PTPRD: variants seen among roughly 807,000 people sequenced by gnomAD.
PTPRD encodes the protein protein tyrosine phosphatase receptor type D.
A neutral mutation model predicts 214.5 loss-of-function variants in PTPRD; 34 were observed. The observed-to-expected ratio is 0.16, with a 90% confidence interval of 0.12 to 0.21. PTPRD has a LOEUF of 0.21. Among genes scored for constraint, PTPRD ranks in the 10% least tolerant of loss-of-function variants. PTPRD has a pLI of 1.00. For missense variants in PTPRD, 2,545 were observed against 2,398.7 expected (o/e 1.06, Z -1.27); for synonymous variants, 1,128 against 845.7 (o/e 1.33, Z -5.79).
chr9:9,616,943 T>C (rs1409294368), intron 7 of PTPRD, among the ~76,000 whole-genome samples: 2 of 152,166 alleles, frequency 1.3e-5, no homozygotes, highest in Non-Finnish European at 2.9e-5. Flanking sequence ...TATGGTCAAT[T>C]TTAAAATAAA....
At chr9:10,282,321 T>C (rs2095159226) in intron 3 of PTPRD, among the ~76,000 whole-genome samples, 1 of 152,204 alleles carries the variant, frequency 6.6e-6, no homozygotes, top group Admixed American at 6.5e-5. Context: ...GAATGAATGT[T>C]AATTGTTCAA....
chr9:10,008,064 G>C (rs2096525748), intron 4 of PTPRD, among the ~76,000 whole-genome samples: 2 of 151,852 alleles, frequency 1.3e-5, no homozygotes, highest in Non-Finnish European at 2.9e-5. Flanking sequence ...TGCAAATCTG[G>C]GGGAGCTGGC....
intron 7 of PTPRD, among the ~76,000 whole-genome samples, chr9:9,715,182 C>G (rs2154427931): frequency 6.6e-6 from 1 of 152,306 alleles, no homozygotes; most frequent in Admixed American, 6.5e-5. Context: ...GTTTTGATTA[C>G]ATTCTTCCAC....
intron 2 of PTPRD, among the ~76,000 whole-genome samples, chr9:10,454,413 C>CT (rs962580088): frequency 2.0e-4 from 31 of 151,548 alleles, no homozygotes; most frequent in Non-Finnish European, 8.9e-5. Context: ...CCTCAGAATA[C>CT]TTTTTTTAAA....
intron 2 of PTPRD, among the ~76,000 whole-genome samples, chr9:10,417,799 T>C (rs2098506629): frequency 6.6e-6 from 1 of 151,752 alleles, no homozygotes. Flanking sequence ...ATGAACTGAA[T>C]CTTAATTAGA....
intron 3 of PTPRD, among the ~76,000 whole-genome samples, chr9:10,055,474 G>A (rs1286048492): frequency 6.6e-6 from 1 of 152,066 alleles, no homozygotes; most frequent in Non-Finnish European, 1.5e-5. Flanking sequence ...TAAGGAAACT[G>A]AGACTTGGAA....
intron 8 of PTPRD, among the ~76,000 whole-genome samples, chr9:9,445,681 G>A (rs930183032): frequency 5.9e-5 from 9 of 152,110 alleles, no homozygotes; most frequent in African/African-American, 1.9e-4. Flanking sequence ...GAGAACAGCG[G>A]CATGGGGTAA....
intron 11 of PTPRD, among the ~76,000 whole-genome samples, chr9:8,987,027 G>A (rs923264341): frequency 6.6e-6 from 1 of 151,900 alleles, no homozygotes; most frequent in African/African-American, 2.4e-5. Flanking sequence ...ACCCAAAGAT[G>A]GTCACTAATA....
intron 2 of PTPRD, among the ~76,000 whole-genome samples, chr9:10,465,941 A>C (rs1404724379): frequency 6.6e-6 from 1 of 152,238 alleles, no homozygotes; most frequent in Non-Finnish European, 1.5e-5. Flanking sequence ...ATAAAAATGC[A>C]TAGATTTAGG....
chr9:8,408,463 A>T (rs1235584207), intron 35 of PTPRD, among the ~76,000 whole-genome samples: 1 of 152,146 alleles, frequency 6.6e-6, no homozygotes, highest in African/African-American at 2.4e-5. Flanking sequence ...TACCTTCCCA[A>T]GCTGAAATCC....
intron 11 of PTPRD, among the ~76,000 whole-genome samples, chr9:8,955,775 T>C (rs181255070): frequency 2.2e-4 from 34 of 151,944 alleles, no homozygotes; most frequent in African/African-American, 7.0e-4. Flanking sequence ...TTCACACACA[T>C]CTAACTCCTG....
intron 11 of PTPRD, among the ~76,000 whole-genome samples, chr9:8,863,641 T>C (rs1455490644): frequency 4.6e-5 from 7 of 152,178 alleles, no homozygotes; most frequent in African/African-American, 1.7e-4. Flanking sequence ...AGTATAAACA[T>C]TTTGAGGCCA....
intron 2 of PTPRD, among the ~76,000 whole-genome samples, chr9:10,446,661 T>A (rs1350644381): frequency 6.6e-6 from 1 of 152,138 alleles, no homozygotes; most frequent in African/African-American, 2.4e-5. Context: ...TTTGTGTGCA[T>A]GGCATGAAGC....
intron 4 of PTPRD, among the ~76,000 whole-genome samples, chr9:10,026,001 G>A (rs1456747285): frequency 3.9e-5 from 6 of 152,200 alleles, no homozygotes; most frequent in African/African-American, 1.4e-4. Flanking sequence ...GGCTAAGGAA[G>A]GGTTAAGCAA....
At chr9:8,319,031 G>C (rs543561604) in intron 45 of PTPRD, among the ~76,000 whole-genome samples, 1 of 152,094 alleles carries the variant, frequency 6.6e-6, no homozygotes, top group East Asian at 1.9e-4. Context: ...GAGTGTTAAG[G>C]CTTTTTAAAT....
At chr9:10,143,028 A>T (rs1267533382) in intron 3 of PTPRD, among the ~76,000 whole-genome samples, 1 of 152,088 alleles carries the variant, frequency 6.6e-6, no homozygotes, top group Non-Finnish European at 1.5e-5. Context: ...ACAAGGACAA[A>T]AAACCAAACA....
chr9:9,641,337 C>T (rs955765940), intron 7 of PTPRD, among the ~76,000 whole-genome samples: 1 of 152,150 alleles, frequency 6.6e-6, no homozygotes, highest in African/African-American at 2.4e-5. Flanking sequence ...GTCTAAGTGA[C>T]AGGATAGGCT....
intron 39 of PTPRD, among the ~76,000 whole-genome samples, chr9:8,358,277 A>AT (rs112688745): frequency 7.1e-4 from 104 of 147,218 alleles, no homozygotes; most frequent in South Asian, 6.0e-3. Context: ...TCCCCCCATC[A>AT]TTTTTTTTTT....
At chr9:9,623,911 A>G (rs1159463764) in intron 7 of PTPRD, among the ~76,000 whole-genome samples, 1 of 152,162 alleles carries the variant, frequency 6.6e-6, no homozygotes, top group East Asian at 1.9e-4. Context: ...AATTTTGAGG[A>G]AGTGGCAAAA....
Sources: allele counts gnomAD v4.1 joint callset (sites outside exome capture counted in the v4.1 genomes callset), GRCh38; gene constraint gnomAD v4.1.1; transcripts MANE v1.5; gene names NCBI Gene and HGNC (gene_info 2026-07-23, HGNC 2026-07-21).